Variants in FAP observed in about 807,000 individuals in gnomAD.
FAP encodes the protein fibroblast activation protein alpha, also known as prolyl endopeptidase FAP.
A neutral mutation model predicts 126.5 loss-of-function variants in FAP; 110 were observed. The ratio of observed to expected loss-of-function variants is 0.87; its 90% CI spans 0.74 to 1.02. The LOEUF is 1.02. Among genes scored for constraint, FAP ranks in the 50% least tolerant of loss-of-function variants. The pLI, the probability that FAP is intolerant of heterozygous loss-of-function variation, is 0.00. For synonymous variants in FAP, 334 were observed against 297.3 expected (o/e 1.12, Z -1.27); for missense variants, 919 against 909.2 (o/e 1.01, Z -0.14).
intron 12 of FAP, chr2:162,209,625 A>G (rs1688847094): frequency 4.8e-6 from 1 of 207,644 alleles, no homozygotes; most frequent in Non-Finnish European, 9.6e-6. Flanking sequence ...TGATTTTAAC[A>G]GATCAGGGAT....
rs1170442062 is a variant in FAP, at chr2:162,224,480, T to C, written c.346A>G (p.Ser116Gly). The change falls in exon 5 of 26, where the codon AGT (serine) becomes GGT (glycine). Residue 116 changes from serine to glycine, a missense_variant. Transcript: ENST00000188790. ...ATAGTTGATACCTTTGAATAATCAC[T>C]TTCTAGATATACAAATTGCCGATCA... ...SPDRQFVYLE[S>G]DYSKLWRYSY... 4 of 1,590,214 alleles carry C rather than the reference T, an allele frequency of 2.5e-6. No homozygotes were observed. Among genetic ancestry groups the C allele is most frequent in the Non-Finnish European group, 3.4e-6 (4 of 1,167,996 alleles).
chr2:162,207,671 C>A (rs1688756941), intron 12 of FAP, among the ~76,000 whole-genome samples: 1 of 150,300 alleles, frequency 6.7e-6, no homozygotes, highest in Non-Finnish European at 1.5e-5. Flanking sequence ...ATGTAAGGAC[C>A]TCATCTTCTC....
At chr2:162,220,688 T>G (rs1190190717) in intron 6 of FAP, among the ~76,000 whole-genome samples, 1 of 152,212 alleles carries the variant, frequency 6.6e-6, no homozygotes, top group African/African-American at 2.4e-5. Context: ...AACTCTCACT[T>G]TGATGCTTAG....
At chr2:162,213,435 A>C (rs569131606) in intron 11 of FAP, among the ~76,000 whole-genome samples, 48 of 151,686 alleles carry the variant, frequency 3.2e-4, no homozygotes, top group Non-Finnish European at 5.2e-4. Flanking sequence ...AAAAAAAAAA[A>C]CAGAATATCT....
chr2:162,226,445 A>G (rs1689650332), intron 3 of FAP, 78 bp downstream of exon 3: 2 of 666,578 alleles, frequency 3.0e-6, no homozygotes, highest in Non-Finnish European at 5.2e-6. Flanking sequence ...TTCAGTTACT[A>G]TAGAGATGTA....
At chr2:162,191,499 C>T (rs1470276002) in intron 17 of FAP, among the ~76,000 whole-genome samples, 1 of 152,058 alleles carries the variant, frequency 6.6e-6, no homozygotes, top group East Asian at 1.9e-4. Flanking sequence ...ACACATTTTA[C>T]TTTCTTTCTC....
chr2:162,172,706 C>T (rs765477132), intron 25 of FAP, 105 bp downstream of exon 25: 3 of 738,292 alleles, frequency 4.1e-6, no homozygotes, highest in Middle Eastern at 2.4e-4. Flanking sequence ...CCTGCAGCCT[C>T]TTTGTCAGAT....
chr2:162,175,533 G>A (rs1280253857), intron 21 of FAP: 2 of 152,152 alleles, frequency 1.3e-5, no homozygotes, highest in African/African-American at 2.4e-5. Flanking sequence ...AGTGGTACAT[G>A]TTCTAAGGAT....
chr2:162,201,391 G>T (rs952245393), intron 14 of FAP, among the ~76,000 whole-genome samples: 1 of 152,078 alleles, frequency 6.6e-6, no homozygotes, highest in Non-Finnish European at 1.5e-5. Context: ...AATACAACTC[G>T]TTTTTAGCAC....
intron 16 of FAP, chr2:162,195,132 G>A (rs1465642259): frequency 9.6e-6 from 2 of 209,082 alleles, no homozygotes; most frequent in East Asian, 2.4e-4. Context: ...CCAGTACCCA[G>A]ATTGTATTTT....
At chr2:162,178,505 CGT>C (rs1192981275) in intron 21 of FAP, among the ~76,000 whole-genome samples, 1 of 152,104 alleles carries the variant, frequency 6.6e-6, no homozygotes, top group African/African-American at 2.4e-5. Context: ...TGCCTCCAGA[CGT>C]TGTCAAATGT....
intron 16 of FAP, among the ~76,000 whole-genome samples, chr2:162,196,727 A>C (rs1688268411): frequency 6.6e-6 from 1 of 152,128 alleles, no homozygotes; most frequent in African/African-American, 2.4e-5. Context: ...GAGAGTTTGA[A>C]GTTACATAAT....
At chr2:162,239,797 C>T (rs1690275809) in intron 2 of FAP, among the ~76,000 whole-genome samples, 1 of 152,138 alleles carries the variant, frequency 6.6e-6, no homozygotes, top group African/African-American at 2.4e-5. Context: ...GAAACGAGGT[C>T]AAATAGTTCC....
intron 17 of FAP, among the ~76,000 whole-genome samples, chr2:162,190,598 C>T (rs963549286): frequency 4.6e-5 from 7 of 151,984 alleles, no homozygotes; most frequent in Non-Finnish European, 1.0e-4. Context: ...TTTTTATAGA[C>T]CTTATTTTGA....
chr2:162,173,016 A>G (rs1450995062), intron 24 of FAP, 132 bp from the exon 25 acceptor site: 2 of 1,105,006 alleles, frequency 1.8e-6, no homozygotes, highest in Non-Finnish European at 2.8e-6. Context: ...GAGTAATCAC[A>G]CTCAGATATG....
intron 20 of FAP, among the ~76,000 whole-genome samples, chr2:162,187,094 G>A (rs957541315): frequency 2.0e-5 from 3 of 152,134 alleles, no homozygotes; most frequent in South Asian, 2.1e-4. Flanking sequence ...ACTTGAAAAT[G>A]TATGGGTTAT....
At chr2:162,179,801 TATATATA>T in intron 21 of FAP, among the ~76,000 whole-genome samples, 3 of 138,914 alleles carry the variant, frequency 2.2e-5, no homozygotes, top group African/African-American at 8.3e-5. Flanking sequence ...TATATATATA[TATATATA>T]TATATTTTTT....
chr2:162,218,601 ATAAATAG>A (rs1689256084), intron 8 of FAP, among the ~76,000 whole-genome samples: 1 of 151,544 alleles, frequency 6.6e-6, no homozygotes, highest in Non-Finnish European at 1.5e-5. Flanking sequence ...AGATAGATAG[ATAAATAG>A]ATAGAGACTA....
intron 21 of FAP, 69 bp downstream of exon 21, chr2:162,183,344 TA>T: frequency 8.6e-7 from 1 of 1,168,658 alleles, no homozygotes; most frequent in Non-Finnish European, 1.3e-6. Flanking sequence ...AGAAACCTTC[TA>T]AACGAACACT....
Sources: allele counts gnomAD v4.1 joint callset (sites outside exome capture counted in the v4.1 genomes callset), GRCh38; gene constraint gnomAD v4.1.1; transcripts MANE v1.5; gene names NCBI Gene and HGNC (gene_info 2026-07-23, HGNC 2026-07-21).